FHOD3: variants seen among roughly 807,000 people sequenced by gnomAD.
FHOD3 encodes FH1/FH2 domain-containing protein 3.
FHOD3 carries 90 observed loss-of-function variants against 173.0 expected under a neutral mutation model. The ratio of observed to expected loss-of-function variants is 0.52; its 90% confidence interval spans 0.44 to 0.62. The LOEUF (loss-of-function observed/expected upper bound fraction) is 0.62. Ranked by LOEUF, FHOD3 falls within the 20% of genes least tolerant of loss-of-function variation. The probability of loss-of-function intolerance (pLI) is 0.00; values close to 1 mark genes in which losing one functional copy is unlikely to be tolerated. For missense variants in FHOD3, 1,945 were observed against 2,034.7 expected, an observed-to-expected ratio of 0.96 and a Z score of 0.85; for synonymous variants, 828 against 823.0, an observed-to-expected ratio of 1.01 and a Z score of -0.10.
intron 17 of FHOD3, among the ~76,000 whole-genome samples, chr18:36,702,804 CTG>C (rs1203876509): frequency 1.3e-5 from 2 of 152,200 alleles, no homozygotes; most frequent in South Asian, 4.1e-4. Flanking sequence ...TTCCTGCCCA[CTG>C]TGTGTGTGTG....
intron 3 of FHOD3, among the ~76,000 whole-genome samples, chr18:36,497,751 A>C (rs1460102627): frequency 6.6e-6 from 1 of 152,242 alleles, no homozygotes; most frequent in East Asian, 1.9e-4. Flanking sequence ...AATCCACTGT[A>C]ATAGTTGGAG....
chr18:36,447,476 G>C (rs976996229), intron 3 of FHOD3, among the ~76,000 whole-genome samples: 1 of 145,618 alleles, frequency 6.9e-6, no homozygotes, highest in African/African-American at 2.7e-5. Flanking sequence ...TTTCCTGCCT[G>C]AGCTGGTTTT....
intron 5 of FHOD3, among the ~76,000 whole-genome samples, chr18:36,567,621 G>C (rs558321416): frequency 1.3e-4 from 20 of 152,332 alleles, no homozygotes; most frequent in Non-Finnish European, 2.8e-4. Context: ...GTAGGAGGCA[G>C]ATTGGGGAAG....
In FHOD3 at chr18:36,365,807, C is replaced by T. The variant is rs566209876; in HGVS notation, c.273-6873C>T. ...CTGTGATGAGAGGACACTAGCTGAG[C>T]GGAAGTTGACTGAGAAAGTTCATTC... On this transcript the variant is annotated intron_variant, in intron 2 of 28. Coordinates refer to ENST00000590592, the MANE Select transcript of FHOD3 (RefSeq NM_001281740.3). 1.4e-4 allele frequency among the ~76,000 whole-genome samples: 22 copies of T among 152,200 alleles called. No homozygotes were observed. The South Asian group carries it at 2.3e-3, about 16-fold the overall frequency.
intron 3 of FHOD3, among the ~76,000 whole-genome samples, chr18:36,475,201 C>A (rs2053499630): frequency 6.6e-6 from 1 of 152,112 alleles, no homozygotes. Flanking sequence ...GTTCATCTCC[C>A]CAGTCAGCCC....
chr18:36,503,123 A>G (rs2055125347), intron 4 of FHOD3, among the ~76,000 whole-genome samples: 1 of 151,996 alleles, frequency 6.6e-6, no homozygotes, highest in African/African-American at 2.4e-5. Flanking sequence ...CTCCATTCCT[A>G]CCCTGAGAAA....
chr18:36,414,924 G>T (rs1159329961), intron 3 of FHOD3, among the ~76,000 whole-genome samples: 5 of 152,174 alleles, frequency 3.3e-5, no homozygotes, highest in African/African-American at 1.2e-4. Context: ...TGTGGTGGGT[G>T]GGCAGAGCCC....
chr18:36,323,436 C>A (rs550367048), intron 1 of FHOD3, among the ~76,000 whole-genome samples: 4 of 152,226 alleles, frequency 2.6e-5, no homozygotes, highest in Non-Finnish European at 5.9e-5. Context: ...GTGGCCTTTG[C>A]TAGTTTGGGG....
intron 5 of FHOD3, among the ~76,000 whole-genome samples, chr18:36,540,658 G>A (rs2057172697): frequency 6.6e-6 from 1 of 152,152 alleles, no homozygotes; most frequent in African/African-American, 2.4e-5. Flanking sequence ...GAGTATAGGG[G>A]GAGAAGGGAG....
At chr18:36,777,588 T>C (rs953886916) in intron 28 of FHOD3, 1 of 152,222 alleles carries the variant, frequency 6.6e-6, no homozygotes, top group Non-Finnish European at 1.5e-5. Context: ...TTATTTACTG[T>C]TGTTAAAATT....
intron 5 of FHOD3, among the ~76,000 whole-genome samples, chr18:36,520,648 C>A (rs889042428): frequency 5.9e-5 from 9 of 152,218 alleles, no homozygotes; most frequent in Non-Finnish European, 1.2e-4. Flanking sequence ...TGCAATCATG[C>A]CTCCGAGTGC....
intron 14 of FHOD3, among the ~76,000 whole-genome samples, chr18:36,669,902 A>G (rs2037418227): frequency 6.6e-6 from 1 of 151,950 alleles, no homozygotes; most frequent in South Asian, 2.1e-4. Flanking sequence ...ATCTTCTGCC[A>G]ACATTTCTTT....
At chr18:36,351,493 T>A (rs1165115291) in intron 1 of FHOD3, among the ~76,000 whole-genome samples, 2 of 152,216 alleles carry the variant, frequency 1.3e-5, no homozygotes, top group Non-Finnish European at 2.9e-5. Flanking sequence ...TGTGTTTGAT[T>A]TGTGTGTTAT....
chr18:36,469,192 A>C (rs117674875), intron 3 of FHOD3, among the ~76,000 whole-genome samples: 1 of 152,218 alleles, frequency 6.6e-6, no homozygotes, highest in Non-Finnish European at 1.5e-5. Context: ...CCATCCTATC[A>C]CCAGGTATAG....
intron 5 of FHOD3, among the ~76,000 whole-genome samples, chr18:36,573,543 C>CTGCA (rs2058535103): frequency 1.3e-5 from 2 of 152,052 alleles, no homozygotes; most frequent in African/African-American, 4.8e-5. Context: ...GTGGATAAGG[C>CTGCA]TGCAGTGAGC....
intron 14 of FHOD3, among the ~76,000 whole-genome samples, chr18:36,663,967 G>A (rs560157954): frequency 6.6e-6 from 1 of 152,146 alleles, no homozygotes; most frequent in South Asian, 2.1e-4. Flanking sequence ...ATCTACATGT[G>A]CCTTGAAGTT....
At chr18:36,385,781 C>T (rs1379495827) in intron 3 of FHOD3, among the ~76,000 whole-genome samples, 4 of 152,170 alleles carry the variant, frequency 2.6e-5, no homozygotes, top group African/African-American at 9.7e-5. Flanking sequence ...TACTGAAAAG[C>T]TCTCATCTTC....
rs199957836 is a variant in FHOD3 at position 36,769,324 on chromosome 18, G to C, written c.4684G>C (p.Ala1562Pro). The C allele has an allele frequency of 6.2e-7, 1 of 1,614,216 alleles. No homozygotes were observed. The highest frequency in any genetic ancestry group is 1.7e-5 in the Admixed American group (1 of 60,022). The change falls in exon 28 of 29, where the codon GCT (alanine) becomes CCT (proline). Residue 1562 changes from alanine to proline, a missense_variant. Physicochemically the swap from Ala to Pro is conservative, Grantham distance 27. Around this residue, in one of 5 missense-constraint regions of FHOD3, gnomAD observed 354 missense variants for 359.9 expected, o/e 0.98. Transcript: ENST00000590592. ...CTCGCCCAATGTCACAGATGATGCA[G>C]CTGATGAGATCATGGACCGCATCGT... ...DDSPNVTDDA[A>P]DEIMDRIVKS...
intron 3 of FHOD3, among the ~76,000 whole-genome samples, chr18:36,385,640 G>A (rs775214932): frequency 1.1e-4 from 16 of 152,172 alleles, no homozygotes; most frequent in Non-Finnish European, 1.9e-4. Context: ...GGCCTCAGGT[G>A]ATCCGCCTGC....
Sources: allele counts gnomAD v4.1 joint callset (sites outside exome capture counted in the v4.1 genomes callset), GRCh38; gene constraint gnomAD v4.1.1; regional missense constraint gnomAD v4.1.1; transcripts MANE v1.5; gene names NCBI Gene and HGNC (gene_info 2026-07-23, HGNC 2026-07-21).